NR4A3: variants seen among roughly 807,000 people sequenced by gnomAD.
NR4A3 encodes nuclear receptor subfamily 4 group A member 3.
NR4A3 carries 13 observed loss-of-function variants against 55.6 expected under a neutral mutation model. That is an observed-to-expected ratio of 0.23 (90% CI 0.15 to 0.37). The LOEUF (loss-of-function observed/expected upper bound fraction) is 0.37, where lower values mean the gene tolerates loss of function less well. Ranked by LOEUF, NR4A3 falls within the 10% of genes least tolerant of loss-of-function variation. The pLI is 1.00. For synonymous variants in NR4A3, 342 were observed against 357.9 expected (o/e 0.96, Z 0.50); for missense variants, 646 against 822.8 (o/e 0.79, Z 2.63).
Position 99,828,243 on chromosome 9 carries a change from C to A in NR4A3, c.201C>A (p.Ser67Arg). Residue 67 changes from serine to arginine, a missense_variant, in exon 3 of 8, where the codon AGC becomes AGA. Transcript: ENST00000395097. This position sits in a 1 kb window ranked among gnomAD's most constrained non-coding sequence, Gnocchi z 7.7. ...SISTFVEGYSSNYELKPSCVY... is the reference protein window; with the variant it reads ...SISTFVEGYSRNYELKPSCVY... ...GTACCTTCGTGGAGGGCTACTCGAG[C>A]AACTACGAACTCAAGCCTTCCTGCG... 1 of 1,607,778 alleles carries A rather than the reference C, an allele frequency of 6.2e-7. No homozygotes were observed. Among genetic ancestry groups the A allele is most frequent in the Non-Finnish European group, 8.5e-7 (1 of 1,174,488 alleles).
At chr9:99,827,441 A>T (rs1213483380) in intron 2 of NR4A3, among the ~76,000 whole-genome samples, 1 of 152,208 alleles carries the variant, frequency 6.6e-6, no homozygotes, top group Non-Finnish European at 1.5e-5. Context: ...GCAGGCTGCT[A>T]GCCCTATTGG....
intron 7 of NR4A3, among the ~76,000 whole-genome samples, chr9:99,861,511 AGGAAGGAAGGAAGGAAGGGAGGGAG>A (rs1828009034): frequency 6.6e-6 from 1 of 151,808 alleles, no homozygotes; most frequent in Admixed American, 6.6e-5. Flanking sequence ...GACTCTGTCA[AGGAAGGAAGGAAGGAAGGGAGGGAG>A]GGAAGGAAGG....
At chr9:99,847,070 G>A (rs1694891461) in intron 6 of NR4A3, among the ~76,000 whole-genome samples, 2 of 152,214 alleles carry the variant, frequency 1.3e-5, no homozygotes, top group African/African-American at 2.4e-5. Flanking sequence ...GGAGGGAACA[G>A]TCTCATGTTC....
intron 4 of NR4A3, 131 bp downstream of exon 4, chr9:99,832,949 A>T: frequency 1.3e-6 from 1 of 769,172 alleles, no homozygotes; most frequent in Non-Finnish European, 1.9e-6. Context: ...TATTTTTATC[A>T]TATATATCTA....
intron 2 of NR4A3, chr9:99,826,707 C>T (rs1827300897): frequency 6.7e-7 from 1 of 1,488,104 alleles, no homozygotes; most frequent in African/African-American, 1.4e-5. Flanking sequence ...CTGGCCTCTC[C>T]TCATCACTGC....
At chr9:99,836,338 T>C (rs1473096343) in intron 5 of NR4A3, among the ~76,000 whole-genome samples, 1 of 152,206 alleles carries the variant, frequency 6.6e-6, no homozygotes, top group Non-Finnish European at 1.5e-5. Context: ...GGGGAGTTTA[T>C]TCCATATACA....
rs573757372 is a variant in NR4A3 at position 99,860,377 on chromosome 9, G to A, written c.1634-3243G>A. On this transcript the variant is annotated intron_variant, in intron 7 of 7. Coordinates refer to ENST00000395097, the MANE Select transcript of NR4A3 (RefSeq NM_006981.4). The stretch of plus-strand genomic sequence containing the variant: ...GTTTGCTTTTGTTTTGTTTTGTCTT[G>A]GTAATAGATAATGCTGAACCAAATG... 2.3e-4 allele frequency among the ~76,000 whole-genome samples: 35 copies of A among 151,766 alleles called. 1 individual carries two copies. The South Asian group carries it at 7.1e-3, about 31-fold the overall frequency.
chr9:99,841,965 G>A (rs1188288404), intron 5 of NR4A3, among the ~76,000 whole-genome samples: 4 of 152,064 alleles, frequency 2.6e-5, no homozygotes, highest in East Asian at 1.9e-4. Flanking sequence ...GCGAGACCCT[G>A]TCTCAAAAAA....
At position 99,822,105 on chromosome 9, in the gene NR4A3, A is replaced by T. The variant is rs527930230; in HGVS notation, c.-479A>T. 1.0e-3 allele frequency: 160 copies of T among 152,914 alleles called. No individual in the cohort carries two copies. Among genetic ancestry groups the T allele is most frequent in the African/African-American group, 3.7e-3 (153 of 41,550 alleles). 9.5% of individuals were successfully genotyped at this position (152,914 alleles called of 1,614,324 possible). A position where few individuals can be genotyped will look rare whatever the true frequency, so the allele number is the denominator to read the frequency against. ...CGGTGCAGCGCGGCGCCGCAGCTGG[A>T]CGCCCCTCCCGGGCTCACTTTGCAA... On this transcript the variant is annotated 5_prime_UTR_variant, in exon 1 of 8. Coordinates refer to ENST00000395097, the MANE Select transcript of NR4A3 (RefSeq NM_006981.4). This position sits in a 1 kb window ranked among gnomAD's most constrained non-coding sequence, Gnocchi z 4.9.
intron 2 of NR4A3, among the ~76,000 whole-genome samples, chr9:99,827,286 G>GTA (rs1399256826): frequency 1.5e-5 from 2 of 137,354 alleles, no homozygotes; most frequent in African/African-American, 5.5e-5. Flanking sequence ...GTGTGTGTGT[G>GTA]TGTGTATATA....
At chr9:99,855,144 T>G (rs1827908482) in intron 7 of NR4A3, among the ~76,000 whole-genome samples, 1 of 151,780 alleles carries the variant, frequency 6.6e-6, no homozygotes, top group South Asian at 2.1e-4. Flanking sequence ...CTGTTGTTGG[T>G]GTATAAGAAT....
rs564983876 is a variant in NR4A3, at chr9:99,855,486, A to G, written c.1633+7871A>G. Among the ~76,000 whole-genome samples, 200 of 152,192 alleles carry G rather than the reference A, an allele frequency of 1.3e-3. 1 individual carries two copies. Among genetic ancestry groups the G allele is most frequent in the Non-Finnish European group, 2.0e-3 (139 of 68,032 alleles). ...TTCAGTAAATATTTATTGAGCATCA[A>G]CTGTGCACCAGACACACATTCCCTT... On this transcript the variant is annotated intron_variant, in intron 7 of 7. Coordinates refer to ENST00000395097, the MANE Select transcript of NR4A3 (RefSeq NM_006981.4).
rs769614282 is a variant in NR4A3, at chr9:99,865,828, T to TTA, written c.*1967_*1968dup. 9.5e-6 allele frequency: 2 copies of TTA among 211,198 alleles called. No homozygotes were observed. The highest frequency in any genetic ancestry group is 1.9e-5 in the Non-Finnish European group (2 of 103,848). 13.1% of individuals were successfully genotyped at this position (211,198 alleles called of 1,614,324 possible). ...GTGCTTTTATGAAAGATTGTTATTTTTATATATCAAGATGATAGAACCTGG... is the reference window on the plus strand; with the variant it reads ...GTGCTTTTATGAAAGATTGTTATTTTTATATATATCAAGATGATAGAACCTGG... On this transcript the variant is annotated 3_prime_UTR_variant, in exon 8 of 8. Coordinates refer to ENST00000395097, the MANE Select transcript of NR4A3 (RefSeq NM_006981.4). This position sits in a 1 kb window ranked among gnomAD's most constrained non-coding sequence, Gnocchi z 4.3.
chr9:99,829,501 T>C (rs1214755586), intron 3 of NR4A3, among the ~76,000 whole-genome samples: 1 of 152,208 alleles, frequency 6.6e-6, no homozygotes, highest in Non-Finnish European at 1.5e-5. Context: ...TAATTTTCTT[T>C]GTTTTGTAGA....
At chr9:99,860,648 G>A (rs986926303) in intron 7 of NR4A3, among the ~76,000 whole-genome samples, 1 of 152,172 alleles carries the variant, frequency 6.6e-6, no homozygotes, top group African/African-American at 2.4e-5. Flanking sequence ...GAAACATGGA[G>A]CCTGTGTATT....
intron 7 of NR4A3, among the ~76,000 whole-genome samples, chr9:99,851,662 CAG>C (rs1203650600): frequency 6.6e-6 from 1 of 152,088 alleles, no homozygotes; most frequent in Non-Finnish European, 1.5e-5. Flanking sequence ...CTGCAGTAAA[CAG>C]GGGGTTCCCC....
intron 1 of NR4A3, among the ~76,000 whole-genome samples, chr9:99,823,221 T>C (rs1447516246): frequency 6.6e-6 from 1 of 151,836 alleles, no homozygotes; most frequent in Non-Finnish European, 1.5e-5. Flanking sequence ...GAGAAGTTGC[T>C]CCGAGTGTTT....
intron 7 of NR4A3, among the ~76,000 whole-genome samples, chr9:99,857,151 G>T (rs2118157384): frequency 1.3e-5 from 2 of 152,224 alleles, no homozygotes; most frequent in Middle Eastern, 6.8e-3. Context: ...ATAAATGCAA[G>T]GAACATCACA....
At chr9:99,833,626 T>C in intron 5 of NR4A3, 172 bp downstream of exon 5, 1 of 1,597,186 alleles carries the variant, frequency 6.3e-7, no homozygotes, top group Non-Finnish European at 8.5e-7. Context: ...TTGCAGCAAA[T>C]AATTTTTGCC....
Sources: allele counts gnomAD v4.1 joint callset (sites outside exome capture counted in the v4.1 genomes callset), GRCh38; gene constraint gnomAD v4.1.1; non-coding constraint Gnocchi (gnomAD v3.1); transcripts MANE v1.5; gene names NCBI Gene and HGNC (gene_info 2026-07-23, HGNC 2026-07-21).